MED21: variants seen among roughly 807,000 people sequenced by gnomAD.
The protein encoded by MED21 is mediator complex subunit 21.
A neutral mutation model predicts 18.2 loss-of-function variants in MED21; 9 were observed. The observed-to-expected ratio is 0.49, with a 90% CI of 0.30 to 0.86. MED21 has a LOEUF of 0.86. Among genes scored for constraint, MED21 ranks in the 40% least tolerant of loss-of-function variants. The probability of loss-of-function intolerance (pLI) is 0.07; values close to 1 mark genes in which losing one functional copy is unlikely to be tolerated. For missense variants in MED21, 150 were observed against 170.9 expected (o/e 0.88, Z 0.68); for synonymous variants, 73 against 60.5 (o/e 1.21, Z -0.96).
intron 1 of MED21, 179 bp downstream of exon 1, chr12:27,022,800 G>C (rs1273567797): frequency 6.6e-7 from 1 of 1,517,262 alleles, no homozygotes; most frequent in South Asian, 1.2e-5. Context: ...CCGGCTGCCG[G>C]GCGGTGCTTG....
At chr12:27,037,578 A>G (rs1591795665) in intron 2 of MED21, 1 of 152,312 alleles carries the variant, frequency 6.6e-6, no homozygotes. Context: ...AAAATAGCAA[A>G]TTAGAGACAG....
downstream of MED21, among the ~76,000 whole-genome samples, chr12:27,035,073 G>A (rs1408085404): frequency 4.6e-5 from 7 of 152,260 alleles, no homozygotes; most frequent in Non-Finnish European, 1.5e-5. Context: ...TAATTAGCCC[G>A]GTTTGGTAGT....
chr12:27,033,451 T>C (rs1471537021), downstream of MED21, among the ~76,000 whole-genome samples: 1 of 152,160 alleles, frequency 6.6e-6, no homozygotes, highest in African/African-American at 2.4e-5. Flanking sequence ...AACGTACAAA[T>C]TTGTGGGGTT....
intron 3 of MED21, 142 bp from the exon 4 acceptor site, chr12:27,028,143 T>C (rs1461202690): frequency 9.0e-7 from 1 of 1,105,316 alleles, no homozygotes; most frequent in Non-Finnish European, 1.2e-6. Flanking sequence ...GGAAAATTCT[T>C]AAAAGTTGTC....
chr12:27,031,592 G>C (rs1289836090), downstream of MED21, among the ~76,000 whole-genome samples: 7 of 152,042 alleles, frequency 4.6e-5, no homozygotes, highest in Non-Finnish European at 8.8e-5. Context: ...AATCCAGTCA[G>C]ATCAGAGAAC....
chr12:27,028,533 T>A lies in MED21; in HGVS notation c.*72T>A. Reference sequence around the variant, plus strand: ...TTAAGAATTCTGCATCAGACTTAGATACAAGCCTTACCAACAATTACAGAA... The same window carrying A: ...TTAAGAATTCTGCATCAGACTTAGAAACAAGCCTTACCAACAATTACAGAA... On this transcript the variant is annotated 3_prime_UTR_variant, in exon 4 of 4. Transcript: ENST00000282892. 1 of 1,518,844 alleles carries A rather than the reference T, an allele frequency of 6.6e-7. No individual in the cohort carries two copies. The highest frequency in any genetic ancestry group is 8.9e-7 in the Non-Finnish European group (1 of 1,128,586). 94.1% of individuals were successfully genotyped at this position (1,518,844 alleles called of 1,614,324 possible).
downstream of MED21, among the ~76,000 whole-genome samples, chr12:27,035,585 C>G (rs1221724010): frequency 9.7e-6 from 1 of 102,680 alleles, no homozygotes; most frequent in Non-Finnish European, 1.9e-5. Flanking sequence ...CTATCCCTCC[C>G]CCCTCCCCCC....
At position 27,028,938 on chromosome 12, in the gene MED21, T is replaced by C; in HGVS notation, c.*477T>C. The C allele has an allele frequency of 1.0e-6, 1 of 985,700 alleles. No individual in the cohort carries two copies. Among genetic ancestry groups the C allele is most frequent in the Non-Finnish European group, 1.2e-6 (1 of 830,108 alleles). The allele number at this position is 985,700 out of a possible 1,614,324, so 61.1% of individuals were successfully genotyped here. On this transcript the variant is annotated 3_prime_UTR_variant, in exon 4 of 4. Transcript: ENST00000282892. ...TTGAGCAAGAAAGTTTTGGAAATTG[T>C]GTTGCTTTTAAGAAATAGAGTTAGT... is the stretch of plus-strand genomic sequence containing the variant.
downstream of MED21, among the ~76,000 whole-genome samples, chr12:27,033,578 G>GA (rs1390891509): frequency 1.1e-4 from 17 of 152,084 alleles, no homozygotes; most frequent in African/African-American, 4.1e-4. Context: ...ACTTGGGTAG[G>GA]AAAAAAATCT....
chr12:27,030,903 A>G (rs1466570015), downstream of MED21: 1 of 152,206 alleles, frequency 6.6e-6, no homozygotes, highest in Non-Finnish European at 1.5e-5. Flanking sequence ...TCTTCATTGA[A>G]TTTAAGGAGC....
At chr12:27,032,126 TTC>T (rs1013708098), downstream of MED21, among the ~76,000 whole-genome samples, 28 of 152,326 alleles carry the variant, frequency 1.8e-4, no homozygotes, top group African/African-American at 5.5e-4. Context: ...TGAAGCCATA[TTC>T]TCTCTATTCT....
At chr12:27,032,583 T>C (rs920128588), downstream of MED21, among the ~76,000 whole-genome samples, 11 of 152,236 alleles carry the variant, frequency 7.2e-5, no homozygotes, top group African/African-American at 2.7e-4. Flanking sequence ...TATTAACCTT[T>C]ACTTGAGCCC....
At chr12:27,031,748 G>A (rs1941620838), downstream of MED21, among the ~76,000 whole-genome samples, 1 of 152,066 alleles carries the variant, frequency 6.6e-6, no homozygotes. Context: ...GAATTTGATC[G>A]AAGAATTAGC....
At chr12:27,037,150 C>T (rs1424967087) in intron 2 of MED21, 1 of 150,604 alleles carries the variant, frequency 6.6e-6, no homozygotes, top group Admixed American at 6.6e-5. Flanking sequence ...TGAAGAGGTC[C>T]TTCACGTCCC....
At chr12:27,031,397 A>G (rs925039911), downstream of MED21, among the ~76,000 whole-genome samples, 2 of 152,106 alleles carry the variant, frequency 1.3e-5, no homozygotes, top group African/African-American at 4.8e-5. Flanking sequence ...TTTCACCCCA[A>G]AATTTCTATG....
At position 27,029,415 on chromosome 12, in the gene MED21, A is replaced by G. The variant is rs944952339; in HGVS notation, c.*954A>G. 1.0e-6 allele frequency: 1 copy of G among 985,450 alleles called. No individual in the cohort carries two copies. The highest frequency in any genetic ancestry group is 5.2e-4 in the Middle Eastern group (1 of 1,914). 61.0% of individuals were successfully genotyped at this position (985,450 alleles called of 1,614,324 possible). On this transcript the variant is annotated 3_prime_UTR_variant, in exon 4 of 4. Coordinates refer to ENST00000282892, the MANE Select transcript of MED21 (RefSeq NM_004264.5). ...TTGGATCTCTTTGAGTCTACTGATA[A>G]TCTCCACTGGAAAGGTGGAATTGAA...
At position 27,029,140 on chromosome 12, in the gene MED21, G is replaced by A. The variant is rs542662348; in HGVS notation, c.*679G>A. ...TATTTTTCCTATTTCTTTTCACCTTGCTTTTTTTCATCCTTAATTTGCTTG... is the reference window on the plus strand; with the variant it reads ...TATTTTTCCTATTTCTTTTCACCTTACTTTTTTTCATCCTTAATTTGCTTG... On this transcript the variant is annotated 3_prime_UTR_variant, in exon 4 of 4. Coordinates refer to ENST00000282892, the MANE Select transcript of MED21 (RefSeq NM_004264.5). 6 of 985,056 alleles carry A rather than the reference G, an allele frequency of 6.1e-6. No individual in the cohort carries two copies. In the African/African-American group the frequency reaches 7.0e-5, roughly 11 times the overall value. 61.0% of individuals were successfully genotyped at this position (985,056 alleles called of 1,614,324 possible).
At chr12:27,038,321 G>A (rs1210907644) in intron 2 of MED21, 1 of 150,278 alleles carries the variant, frequency 6.7e-6, no homozygotes, top group African/African-American at 2.4e-5. Flanking sequence ...AAGGATTCAG[G>A]AATACAACGA....
downstream of MED21, among the ~76,000 whole-genome samples, chr12:27,035,453 T>C (rs1422828241): frequency 6.6e-6 from 1 of 151,856 alleles, no homozygotes; most frequent in African/African-American, 2.4e-5. Context: ...TTTTTTTAAT[T>C]ATACTTTAAG....
Sources: allele counts gnomAD v4.1 joint callset (sites outside exome capture counted in the v4.1 genomes callset), GRCh38; gene constraint gnomAD v4.1.1; transcripts MANE v1.5; gene names NCBI Gene and HGNC (gene_info 2026-07-23, HGNC 2026-07-21).